OTOP3: variants seen among roughly 807,000 people sequenced by gnomAD.
OTOP3 encodes proton channel OTOP3.
In OTOP3, 41 loss-of-function variants were observed where a neutral mutation model predicts 50.8. The observed-to-expected ratio is 0.81, with a 90% CI of 0.63 to 1.05. The LOEUF (loss-of-function observed/expected upper bound fraction) is 1.05, where lower values mean the gene tolerates loss of function less well. Ranked by LOEUF, OTOP3 falls within the 50% of genes least tolerant of loss-of-function variation. The pLI, the probability that OTOP3 is intolerant of heterozygous loss-of-function variation, is 0.00. For missense variants in OTOP3, 788 were observed against 760.8 expected (o/e 1.04, Z -0.42); for synonymous variants, 320 against 324.4 (o/e 0.99, Z 0.14).
In OTOP3 at chr17:74,947,454, C is replaced by T. The variant is rs2039241088; in HGVS notation, c.1545C>T (p.Phe515=). 3.7e-6 allele frequency: 6 copies of T among 1,604,812 alleles called. No individual in the cohort carries two copies. The East Asian group carries it at 1.1e-4, about 30-fold the overall frequency. Residue 515 remains phenylalanine (F), a synonymous_variant, in exon 6 of 7, where the codon TTC becomes TTT. Transcript: ENST00000328801. ...GGGCACTCAAGGAGATCTCACTCTTCCTCATCCTCTGCAATATCACAGTAA... is the reference window on the plus strand; with the variant it reads ...GGGCACTCAAGGAGATCTCACTCTTTCTCATCCTCTGCAATATCACAGTAA... ...KRRALKEISL[F]LILCNITLWM...
chr17:74,948,752 C>A (rs2039252463), intron 6 of OTOP3, among the ~76,000 whole-genome samples: 1 of 151,778 alleles, frequency 6.6e-6, no homozygotes. Context: ...GTGGGAGGAT[C>A]ACTTGAGCCC....
intron 5 of OTOP3, 110 bp downstream of exon 5, chr17:74,943,834 T>A: frequency 3.1e-6 from 3 of 955,126 alleles, no homozygotes; most frequent in Non-Finnish European, 4.7e-6. Context: ...GCTCAGTAGG[T>A]CTATAGAGTT....
chr17:74,935,980 A>C (rs1243928703), intron 1 of OTOP3, 40 bp downstream of exon 1: 2 of 1,537,494 alleles, frequency 1.3e-6, no homozygotes, highest in Non-Finnish European at 1.7e-6. Flanking sequence ...CAGCTTGCGC[A>C]CCCCAGACAC....
intron 3 of OTOP3, 53 bp downstream of exon 3, chr17:74,942,090 T>G: frequency 1.9e-6 from 3 of 1,548,386 alleles, no homozygotes; most frequent in Non-Finnish European, 2.6e-6. Context: ...TATCTACCCA[T>G]GCCATGCACA....
intron 1 of OTOP3, among the ~76,000 whole-genome samples, chr17:74,940,138 T>C (rs1033716815): frequency 2.1e-5 from 3 of 145,324 alleles, no homozygotes; most frequent in South Asian, 2.2e-4. Context: ...CACACATACA[T>C]ATATACATAT....
intron 3 of OTOP3, among the ~76,000 whole-genome samples, 173 bp downstream of exon 3, chr17:74,942,210 C>A (rs1237400805): frequency 6.6e-6 from 1 of 152,208 alleles, no homozygotes. Context: ...TCCACACATA[C>A]CCACGGGTTC....
At position 74,947,217 on chromosome 17, in the gene OTOP3, G is replaced by A. The variant is rs564764463; in HGVS notation, c.1308G>A (p.Ser436=). 1.1e-4 allele frequency: 181 copies of A among 1,613,878 alleles called. No homozygotes were observed. Among genetic ancestry groups the A allele is most frequent in the East Asian group, 1.6e-4 (7 of 44,884 alleles). Residue 436 remains serine (S), a synonymous_variant, in exon 6 of 7, where the codon TCG becomes TCA. Transcript: ENST00000328801. ...ELLNRLILAY[S]LLLILQHIAQ... ...TCAACCGCCTCATCCTGGCCTACTCGCTGCTGCTCATCCTGCAGCACATCG... is the reference window on the plus strand; with the variant it reads ...TCAACCGCCTCATCCTGGCCTACTCACTGCTGCTCATCCTGCAGCACATCG...
Position 74,949,571 on chromosome 17 carries a change from C to T in OTOP3, c.*155C>T. The T allele has an allele frequency of 2.3e-6, 2 of 865,162 alleles. No homozygotes were observed. Among genetic ancestry groups the T allele is most frequent in the Non-Finnish European group, 3.4e-6 (2 of 580,896 alleles). The allele number at this position is 865,162 out of a possible 1,614,324, so 53.6% of individuals were successfully genotyped here. Reference sequence around the variant, plus strand: ...AGCCTCACTGAAGGGGAGGGCACTGCCTAGAGCCAGAGGCCAACAGCAGGG... The same window carrying T: ...AGCCTCACTGAAGGGGAGGGCACTGTCTAGAGCCAGAGGCCAACAGCAGGG... On this transcript the variant is annotated 3_prime_UTR_variant, in exon 7 of 7. Transcript: ENST00000328801.
intron 4 of OTOP3, 91 bp downstream of exon 4, chr17:74,943,435 T>A: frequency 6.8e-7 from 1 of 1,471,600 alleles, no homozygotes; most frequent in Non-Finnish European, 9.5e-7. Context: ...TAGGTTAGTC[T>A]GGGATGTGTC....
chr17:74,946,916 T>C lies in OTOP3; in HGVS notation c.1007T>C (p.Val336Ala), dbSNP rs2039232019. ...GLLVLLAGVC[V>A]FVLFQIEASG... ...CTGGTGCTGCTGGCAGGTGTGTGCGTCTTTGTGCTCTTCCAAATCGAGGCC... is the reference window on the plus strand; with the variant it reads ...CTGGTGCTGCTGGCAGGTGTGTGCGCCTTTGTGCTCTTCCAAATCGAGGCC... The change falls in exon 6 of 7, where the codon GTC (valine) becomes GCC (alanine). Residue 336 changes from valine to alanine, a missense_variant. Transcript: ENST00000328801. 1 of 1,612,132 alleles carries C rather than the reference T, an allele frequency of 6.2e-7. No homozygotes were observed. The highest frequency in any genetic ancestry group is 8.5e-7 in the Non-Finnish European group (1 of 1,179,928).
Position 74,947,242 on chromosome 17 carries a change from G to T in OTOP3, c.1333G>T (p.Ala445Ser). ...YSLLLILQHI[A>S]QNLFIIEGLH... is the part of the protein sequence containing the mutation. The stretch of plus-strand genomic sequence containing the variant: ...GCTGCTGCTCATCCTGCAGCACATC[G>T]CTCAGAACCTCTTCATCATCGAGGG... Residue 445 changes from alanine to serine, a missense_variant, in exon 6 of 7, where the codon GCT becomes TCT. Coordinates refer to ENST00000328801, the MANE Select transcript of OTOP3 (RefSeq NM_001272005.2). 6.2e-7 allele frequency: 1 copy of T among 1,613,844 alleles called. No individual in the cohort carries two copies. Among genetic ancestry groups the T allele is most frequent in the Non-Finnish European group, 8.5e-7 (1 of 1,179,960 alleles).
In OTOP3 at chr17:74,949,521, G is replaced by A. The variant is rs754062651; in HGVS notation, c.*105G>A. 1.8e-5 allele frequency: 24 copies of A among 1,312,390 alleles called. No individual in the cohort carries two copies. The highest frequency in any genetic ancestry group is 2.5e-5 in the Non-Finnish European group (24 of 964,808). The allele number at this position is 1,312,390 out of a possible 1,614,324, so 81.3% of individuals were successfully genotyped here. A position where few individuals can be genotyped will look rare whatever the true frequency, so the allele number is the denominator to read the frequency against. On this transcript the variant is annotated 3_prime_UTR_variant, in exon 7 of 7. Coordinates refer to ENST00000328801, the MANE Select transcript of OTOP3 (RefSeq NM_001272005.2). Reference sequence around the variant, plus strand: ...TCTGAGGTGCCGAGACCAGCCTGAGGCTCTCAAGGCCTCCTGCTCCCCAGA... The same window carrying A: ...TCTGAGGTGCCGAGACCAGCCTGAGACTCTCAAGGCCTCCTGCTCCCCAGA...
chr17:74,946,617 A>G (rs371089207), intron 5 of OTOP3, 44 bp from the exon 6 acceptor site: 3 of 1,532,278 alleles, frequency 2.0e-6, no homozygotes, highest in African/African-American at 1.4e-5. Flanking sequence ...CTCAGAGCAG[A>G]GCCTGCCTGA....
At chr17:74,940,397 A>G (rs1364177020) in intron 1 of OTOP3, among the ~76,000 whole-genome samples, 1 of 152,102 alleles carries the variant, frequency 6.6e-6, no homozygotes, top group African/African-American at 2.4e-5. Flanking sequence ...TCCCAATCCC[A>G]GTACTCTCAT....
intron 1 of OTOP3, among the ~76,000 whole-genome samples, chr17:74,937,991 G>T (rs550479369): frequency 6.6e-6 from 1 of 152,096 alleles, no homozygotes; most frequent in Non-Finnish European, 1.5e-5. Context: ...GAGACCATGG[G>T]AGAAACGCAG....
In OTOP3 at chr17:74,947,144, C is replaced by T; in HGVS notation, c.1235C>T (p.Ala412Val). 1 of 1,614,130 alleles carries T rather than the reference C, an allele frequency of 6.2e-7. No homozygotes were observed. Among genetic ancestry groups the T allele is most frequent in the Non-Finnish European group, 8.5e-7 (1 of 1,180,038 alleles). ...MGAALGQMGI[A>V]YFSIVAIVAK... Reference sequence around the variant, plus strand: ...GCTGCACTGGGCCAGATGGGCATCGCCTATTTCTCCATCGTGGCCATTGTG... The same window carrying T: ...GCTGCACTGGGCCAGATGGGCATCGTCTATTTCTCCATCGTGGCCATTGTG... The change falls in exon 6 of 7, where the codon GCC (alanine) becomes GTC (valine). Residue 412 changes from alanine to valine, a missense_variant. Ala to Val is a moderately conservative substitution (Grantham distance 64). Transcript: ENST00000328801.
Position 74,949,473 on chromosome 17 carries a change from G to C in OTOP3, c.*57G>C, listed in dbSNP as rs2039262602. 2.0e-5 allele frequency: 31 copies of C among 1,584,170 alleles called. No homozygotes were observed. On this transcript the variant is annotated 3_prime_UTR_variant, in exon 7 of 7. Coordinates refer to ENST00000328801, the MANE Select transcript of OTOP3 (RefSeq NM_001272005.2). ...CCAAGGTGGGGAAGATGGTAGCCCA[G>C]AGTCTCTGAGCAGATGCCTCATTCT...
intron 3 of OTOP3, among the ~76,000 whole-genome samples, chr17:74,942,385 C>G (rs904455170): frequency 2.0e-5 from 3 of 152,312 alleles, no homozygotes; most frequent in South Asian, 2.1e-4. Context: ...AATCCCAGCA[C>G]TTTGGGAGGC....
Position 74,942,135 on chromosome 17 carries a change from C to A in OTOP3, c.573+98C>A, listed in dbSNP as rs1286484833. 2.8e-6 allele frequency: 4 copies of A among 1,416,134 alleles called. No individual in the cohort carries two copies. In the African/African-American group the frequency reaches 5.7e-5, roughly 20 times the overall value. The allele number at this position is 1,416,134 out of a possible 1,614,324, so 87.7% of individuals were successfully genotyped here. A position where few individuals can be genotyped will look rare whatever the true frequency, so the allele number is the denominator to read the frequency against. ...CTACCTATGCCTAGGAACAGCCACA[C>A]AGGCAAATACCTAATGTCCCAGGGT... On this transcript the variant is annotated intron_variant, in intron 3 of 6. Coordinates refer to ENST00000328801, the MANE Select transcript of OTOP3 (RefSeq NM_001272005.2).
Sources: gnomAD v4.1 joint callset for allele counts (sites outside exome capture counted in the v4.1 genomes callset) on GRCh38, gnomAD v4.1.1 for gene constraint, MANE v1.5 for transcripts, NCBI Gene and HGNC (gene_info 2026-07-23, HGNC 2026-07-21) for gene names.